The following SAXO1 variants were observed in gnomAD, a reference collection of about 807,000 sequenced individuals.
SAXO1 encodes stabilizer of axonemal microtubules 1.
Under a neutral mutation model 17.5 loss-of-function variants are expected in SAXO1, and 21 were observed. The observed-to-expected ratio is 1.20, with a 90% CI of 0.85 to 1.72. The LOEUF (loss-of-function observed/expected upper bound fraction) is 1.72. Ranked by LOEUF, SAXO1 falls within the 40% of genes most tolerant of loss-of-function variation. The probability of loss-of-function intolerance (pLI) is 0.00; values close to 1 mark genes in which losing one functional copy is unlikely to be tolerated. For missense variants in SAXO1, 843 were observed against 596.0 expected (o/e 1.41, Z -4.32); for synonymous variants, 274 against 216.5 (o/e 1.27, Z -2.33).
At chr9:18,967,341 T>C (rs1832758696) in intron 1 of SAXO1, among the ~76,000 whole-genome samples, 2 of 152,216 alleles carry the variant, frequency 1.3e-5, no homozygotes, top group South Asian at 4.1e-4. Flanking sequence ...TGAAGCTGCA[T>C]CCACAGCCAC....
At chr9:18,998,434 G>C (rs560461266) in intron 1 of SAXO1, among the ~76,000 whole-genome samples, 2 of 152,094 alleles carry the variant, frequency 1.3e-5, no homozygotes, top group African/African-American at 4.8e-5. Context: ...GAAAAGAAAT[G>C]AACAAAGCCT....
chr9:19,028,140 G>C (rs938459435), intron 1 of SAXO1: 1 of 1,578,720 alleles, frequency 6.3e-7, no homozygotes, highest in African/African-American at 1.3e-5. Flanking sequence ...CCTAGGGCAC[G>C]GCAGGCCAGC....
intron 1 of SAXO1, among the ~76,000 whole-genome samples, chr9:19,007,115 G>A (rs180975520): frequency 9.9e-4 from 151 of 151,966 alleles, no homozygotes; most frequent in East Asian, 7.4e-3. Flanking sequence ...TTGGGAGGCC[G>A]AGGCGGGTGG....
At chr9:19,031,782 A>G (rs1835785578) in intron 1 of SAXO1, among the ~76,000 whole-genome samples, 1 of 152,172 alleles carries the variant, frequency 6.6e-6, no homozygotes, top group Admixed American at 6.5e-5. Flanking sequence ...CGGCCTGAGC[A>G]ACTGATAGTT....
chr9:19,044,930 G>C (rs947023649), intron 1 of SAXO1, among the ~76,000 whole-genome samples: 7 of 152,110 alleles, frequency 4.6e-5, no homozygotes, highest in Admixed American at 4.6e-4. Context: ...TTTTACCACA[G>C]AACCTCCAAA....
At chr9:18,985,530 T>G (rs1027315990) in intron 1 of SAXO1, among the ~76,000 whole-genome samples, 1 of 152,204 alleles carries the variant, frequency 6.6e-6, no homozygotes, top group Non-Finnish European at 1.5e-5. Context: ...ATTTTTTTGT[T>G]GGCTTTTTCT....
intron 1 of SAXO1, among the ~76,000 whole-genome samples, chr9:18,960,102 G>A (rs1365852237): frequency 6.6e-6 from 1 of 152,204 alleles, no homozygotes; most frequent in Non-Finnish European, 1.5e-5. Context: ...GCACCTCATG[G>A]GCTCTTCCGG....
intron 2 of SAXO1, among the ~76,000 whole-genome samples, chr9:18,946,441 G>T (rs1367152385): frequency 6.6e-6 from 1 of 151,894 alleles, no homozygotes; most frequent in East Asian, 1.9e-4. Flanking sequence ...ACATATATGG[G>T]GTAGATTCCA....
intron 1 of SAXO1, chr9:19,028,015 G>C (rs1835578506): frequency 1.2e-6 from 2 of 1,602,636 alleles, no homozygotes; most frequent in Admixed American, 3.3e-5. Flanking sequence ...GGCTGTGTCT[G>C]TGGAGGCGGG....
At chr9:18,929,209 AC>A (rs929423186) in intron 3 of SAXO1, among the ~76,000 whole-genome samples, 154 bp from the exon 4 acceptor site, 1 of 152,202 alleles carries the variant, frequency 6.6e-6, no homozygotes, top group African/African-American at 2.4e-5. Flanking sequence ...CTTCATTCAA[AC>A]ACCTGATGTG....
chr9:18,944,164 A>G (rs1726308485), intron 2 of SAXO1, among the ~76,000 whole-genome samples: 1 of 150,972 alleles, frequency 6.6e-6, no homozygotes, highest in African/African-American at 2.4e-5. Context: ...CTATGGTTTA[A>G]TTTATTGATC....
At chr9:18,991,973 A>T (rs1327154045) in intron 1 of SAXO1, among the ~76,000 whole-genome samples, 1 of 152,232 alleles carries the variant, frequency 6.6e-6, no homozygotes, top group Non-Finnish European at 1.5e-5. Context: ...AGCAAGTCAG[A>T]GTCTATGAAT....
At chr9:18,939,797 C>T (rs760442547) in intron 3 of SAXO1, among the ~76,000 whole-genome samples, 47 of 152,046 alleles carry the variant, frequency 3.1e-4, no homozygotes, top group Non-Finnish European at 5.9e-4. Context: ...ATGATTTTAT[C>T]GTTTGATAAA....
chr9:18,998,538 T>A (rs1834107562), intron 1 of SAXO1, among the ~76,000 whole-genome samples: 1 of 152,160 alleles, frequency 6.6e-6, no homozygotes, highest in African/African-American at 2.4e-5. Context: ...TAGAAAACAC[T>A]CTTCGGGATA....
chr9:18,970,078 C>A (rs1004252731), intron 1 of SAXO1, among the ~76,000 whole-genome samples: 1 of 152,178 alleles, frequency 6.6e-6, no homozygotes, highest in African/African-American at 2.4e-5. Flanking sequence ...CCTTACTAAG[C>A]TTGCAAGTGG....
chr9:18,928,433 G>A lies in SAXO1; in HGVS notation c.1044C>T (p.Ser348=). 1 of 1,608,834 alleles carries A rather than the reference G, an allele frequency of 6.2e-7. No individual in the cohort carries two copies. The highest frequency in any genetic ancestry group is 2.2e-5 in the East Asian group (1 of 44,738). ...GCTTGACTGGCTCTGTGCGCATGCT[G>A]GACCACTGCTTGTAGTCATCCTTGG... is the stretch of plus-strand genomic sequence containing the variant. The part of the protein sequence containing the change: ...STTKDDYKQW[S]SMRTEPVKPV... The change falls in exon 4 of 4, where the codon TCC becomes TCT. Residue 348 remains serine, a synonymous_variant. Transcript: ENST00000380534.
chr9:19,028,205 C>CA, intron 1 of SAXO1: 1 of 1,098,920 alleles, frequency 9.1e-7, no homozygotes, highest in Non-Finnish European at 1.3e-6. Flanking sequence ...CAAAATAAAA[C>CA]AAAACAAAAA....
chr9:19,014,460 CAA>C (rs375593725), intron 1 of SAXO1, among the ~76,000 whole-genome samples: 27 of 88,538 alleles, frequency 3.0e-4, no homozygotes, highest in African/African-American at 9.2e-4. Flanking sequence ...AACTGTGTCT[CAA>C]AAAAAAAAAA....
At chr9:18,983,403 T>C (rs1339739527) in intron 1 of SAXO1, among the ~76,000 whole-genome samples, 2 of 152,122 alleles carry the variant, frequency 1.3e-5, no homozygotes, top group Admixed American at 1.3e-4. Context: ...TCCTGCCAGA[T>C]CCCTCCCTCA....
Sources: gnomAD v4.1 joint callset for allele counts (sites outside exome capture counted in the v4.1 genomes callset) on GRCh38, gnomAD v4.1.1 for gene constraint, MANE v1.5 for transcripts, NCBI Gene and HGNC (gene_info 2026-07-23, HGNC 2026-07-21) for gene names.